ATP2A2: variants seen among roughly 807,000 people sequenced by gnomAD.
The protein encoded by ATP2A2 is sarcoplasmic/endoplasmic reticulum calcium ATPase 2.
Under a neutral mutation model 109.3 loss-of-function variants are expected in ATP2A2, and 14 were observed. The ratio of observed to expected loss-of-function variants is 0.13; its 90% CI spans 0.08 to 0.20. ATP2A2 has a LOEUF of 0.20. Among genes scored for constraint, ATP2A2 ranks in the 10% least tolerant of loss-of-function variants. The pLI is 1.00. For missense variants in ATP2A2, 657 were observed against 1,321.6 expected (o/e 0.50, Z 7.80); for synonymous variants, 506 against 490.9 (o/e 1.03, Z -0.41).
intron 8 of ATP2A2, among the ~76,000 whole-genome samples, chr12:110,328,698 T>A (rs1265820335): frequency 6.6e-6 from 1 of 152,184 alleles, no homozygotes; most frequent in Non-Finnish European, 1.5e-5. Context: ...CACAAGTAGC[T>A]GCAACCACAA....
chr12:110,345,928 A>G, intron 18 of ATP2A2, 73 bp from the exon 19 acceptor site: 2 of 1,446,922 alleles, frequency 1.4e-6, no homozygotes, highest in Non-Finnish European at 1.9e-6. Flanking sequence ...GTGTAGTCCA[A>G]CAGGGTCTTA....
intron 4 of ATP2A2, among the ~76,000 whole-genome samples, chr12:110,292,742 G>C (rs771974342): frequency 1.4e-4 from 22 of 152,106 alleles, no homozygotes; most frequent in Non-Finnish European, 3.1e-4. Context: ...AGCCATGATC[G>C]TAACACTGCA....
chr12:110,282,542 C>T (rs1872243289), intron 1 of ATP2A2, 62 bp from the exon 2 acceptor site: 2 of 1,584,760 alleles, frequency 1.3e-6, no homozygotes, highest in African/African-American at 2.7e-5. Flanking sequence ...TAAAATGTCT[C>T]TCTCTTTTTT....
In ATP2A2 at chr12:110,327,575, A is replaced by G; in HGVS notation, c.653A>G (p.Lys218Arg). 3 of 1,614,030 alleles carry G rather than the reference A, an allele frequency of 1.9e-6. No homozygotes were observed. The highest frequency in any genetic ancestry group is 1.3e-5 in the African/African-American group (1 of 75,040). ...LFSGTNIAAG[K>R]AMGVVVATGV... The stretch of plus-strand genomic sequence containing the variant: ...TAGGGTACAAACATTGCTGCTGGGA[A>G]AGCTATGGGAGTGGTGGTAGCAACT... The change falls in exon 8 of 20, where the codon AAA (lysine) becomes AGA (arginine). Residue 218 changes from lysine (K) to arginine (R), a missense_variant. Physicochemically the swap from Lys to Arg is conservative, Grantham distance 26. This residue lies in a region of ATP2A2 where 136 missense variants were observed against 343.9 expected (regional missense o/e 0.40). Coordinates refer to ENST00000539276, the MANE Select transcript of ATP2A2 (RefSeq NM_170665.4). This position sits in a 1 kb window ranked among gnomAD's most constrained non-coding sequence, Gnocchi z 4.4.
rs984107301 is a variant in ATP2A2, at chr12:110,349,943, C to T, written c.*3473C>T. ...TGCTACTGGCTGCTCACTTCTCCAT[C>T]AACCTCACCCTCTGCACCACTAACC... On this transcript the variant is annotated 3_prime_UTR_variant, in exon 20 of 20. Transcript: ENST00000539276. 1.3e-5 allele frequency: 15 copies of T among 1,184,486 alleles called. No individual in the cohort carries two copies. The East Asian group carries it at 2.5e-4, about 19-fold the overall frequency. 73.4% of individuals were successfully genotyped at this position (1,184,486 alleles called of 1,614,324 possible).
At chr12:110,335,049 C>CA (rs2137837622) in intron 11 of ATP2A2, among the ~76,000 whole-genome samples, 1 of 152,262 alleles carries the variant, frequency 6.6e-6, no homozygotes, top group Non-Finnish European at 1.5e-5. Context: ...TTCTGCCTGT[C>CA]AGAGTCTTTG....
intron 8 of ATP2A2, chr12:110,329,857 T>A (rs1878173188): frequency 6.6e-6 from 1 of 152,274 alleles, no homozygotes; most frequent in African/African-American, 2.4e-5. Context: ...AGGTTTTGCT[T>A]AAACAACTTG....
chr12:110,330,976 G>T (rs967183231), intron 8 of ATP2A2: 1 of 152,206 alleles, frequency 6.6e-6, no homozygotes, highest in Non-Finnish European at 1.5e-5. Context: ...GGGCACAGTG[G>T]TTCACGCCTG....
Position 110,327,613 on chromosome 12 carries a change from G to A in ATP2A2, c.691G>A (p.Glu231Lys), listed in dbSNP as rs748353664. 3 of 1,613,976 alleles carry A rather than the reference G, an allele frequency of 1.9e-6. No individual in the cohort carries two copies. Among genetic ancestry groups the A allele is most frequent in the Non-Finnish European group, 2.5e-6 (3 of 1,180,012 alleles). The change falls in exon 8 of 20, where the codon GAA becomes AAA. Residue 231 changes from glutamate to lysine, a missense_variant. Transcript: ENST00000539276. The surrounding 1 kb of genome is among the most constrained non-coding windows in gnomAD (Gnocchi z 4.4). ...GVVVATGVNT[E>K]IGKIRDEMVA... The stretch of plus-strand genomic sequence containing the variant: ...GGTGGTAGCAACTGGAGTTAACACC[G>A]AAATTGGCAAGATCCGGGATGAAAT...
chr12:110,310,612 G>A (rs1875925357), intron 5 of ATP2A2, among the ~76,000 whole-genome samples: 1 of 152,122 alleles, frequency 6.6e-6, no homozygotes, highest in African/African-American at 2.4e-5. Flanking sequence ...TATATACTCT[G>A]GAGCGAATCA....
intron 10 of ATP2A2, 152 bp from the exon 11 acceptor site, chr12:110,333,860 A>G (rs1878575171): frequency 1.1e-6 from 1 of 931,292 alleles, no homozygotes; most frequent in African/African-American, 1.7e-5. Context: ...GTTTTTAATT[A>G]TCTGGGTCAC....
intron 4 of ATP2A2, among the ~76,000 whole-genome samples, chr12:110,293,634 A>T (rs2137709487): frequency 1.4e-5 from 2 of 147,624 alleles, no homozygotes; most frequent in Middle Eastern, 7.8e-3. Flanking sequence ...ACCTCAGATG[A>T]TTCCCCCTGC....
In ATP2A2 at chr12:110,349,258, G is replaced by A. The variant is rs916175786; in HGVS notation, c.*2788G>A. 25 of 985,528 alleles carry A rather than the reference G, an allele frequency of 2.5e-5. No homozygotes were observed. The highest frequency in any genetic ancestry group is 3.0e-5 in the Non-Finnish European group (25 of 830,000). 61.0% of individuals were successfully genotyped at this position (985,528 alleles called of 1,614,324 possible). A position where few individuals can be genotyped will look rare whatever the true frequency, so the allele number is the denominator to read the frequency against. On this transcript the variant is annotated 3_prime_UTR_variant, in exon 20 of 20. Transcript: ENST00000539276. ...GCACCGTGGTCTTGGCACATCCCTG[G>A]CCTCAGGCCCTCACCTAACAGTGAG...
rs1005373405 is a variant in ATP2A2 at position 110,342,694 on chromosome 12, A to C, written c.2318+246A>C. On this transcript the variant is annotated intron_variant, in intron 15 of 19. Transcript: ENST00000539276. The surrounding 1 kb of genome is among the most constrained non-coding windows in gnomAD (Gnocchi z 4.6). ...ACGTGAGACTGAGCTAACATTAACC[A>C]GGTAGTCACATGAAATTCTTGCCCT... Among the ~76,000 whole-genome samples the C allele has an allele frequency of 2.6e-5, 4 of 152,172 alleles. No homozygotes were observed. Among genetic ancestry groups the C allele is most frequent in the African/African-American group, 9.7e-5 (4 of 41,450 alleles).
chr12:110,327,471 G>A lies in ATP2A2; in HGVS notation c.631-82G>A. The A allele has an allele frequency of 1.6e-6, 2 of 1,275,578 alleles. No homozygotes were observed. Among genetic ancestry groups the A allele is most frequent in the East Asian group, 2.3e-5 (1 of 43,324 alleles). The allele number at this position is 1,275,578 out of a possible 1,614,324, so 79.0% of individuals were successfully genotyped here. ...CTAGTAGAATGTGTAGAGAATCTGG[G>A]TGCCCTAGTCAAAAACCAGCGTCGG... On this transcript the variant is annotated intron_variant, in intron 7 of 19. Transcript: ENST00000539276. This position sits in a 1 kb window ranked among gnomAD's most constrained non-coding sequence, Gnocchi z 4.4.
Position 110,332,701 on chromosome 12 carries a change from C to T in ATP2A2, c.1184+16C>T. The T allele has an allele frequency of 6.3e-7, 1 of 1,582,492 alleles. No individual in the cohort carries two copies. Among genetic ancestry groups the T allele is most frequent in the African/African-American group, 1.3e-5 (1 of 74,310 alleles). On this transcript the variant is annotated intron_variant, in intron 9 of 19. Transcript: ENST00000539276. ...TTGGAGAAGTGTGAGTAACCCTCCT[C>T]CTCATTTAAAGGATCTGGTGTGGCA... is the stretch of plus-strand genomic sequence containing the variant.
chr12:110,328,129 GTA>G, intron 8 of ATP2A2, 112 bp downstream of exon 8: 1 of 1,072,830 alleles, frequency 9.3e-7, no homozygotes, highest in East Asian at 2.5e-5. Flanking sequence ...TCTGTGGGCT[GTA>G]TGTATAGCCT....
At chr12:110,292,961 T>G (rs968150509) in intron 4 of ATP2A2, among the ~76,000 whole-genome samples, 1 of 152,202 alleles carries the variant, frequency 6.6e-6, no homozygotes, top group Non-Finnish European at 1.5e-5. Flanking sequence ...TAGGTTTAGC[T>G]ATAAAAATTG....
chr12:110,322,408 A>G (rs1877335379), intron 5 of ATP2A2, among the ~76,000 whole-genome samples: 1 of 152,002 alleles, frequency 6.6e-6, no homozygotes, highest in African/African-American at 2.4e-5. Context: ...GTGGGAGGTC[A>G]AGGGTGCAGT....
Sources: gnomAD v4.1 joint callset for allele counts (sites outside exome capture counted in the v4.1 genomes callset) on GRCh38, gnomAD v4.1.1 for gene constraint, gnomAD v4.1.1 regional missense constraint, Gnocchi (gnomAD v3.1) non-coding constraint, MANE v1.5 for transcripts, NCBI Gene and HGNC (gene_info 2026-07-23, HGNC 2026-07-21) for gene names.